The following LPP variants were observed in gnomAD, a reference collection of about 807,000 sequenced individuals.
The protein encoded by LPP is lipoma-preferred partner.
A neutral mutation model predicts 60.4 loss-of-function variants in LPP; 38 were observed. The ratio of observed to expected loss-of-function variants is 0.63; its 90% confidence interval spans 0.49 to 0.83. The LOEUF is 0.83. Ranked by LOEUF, LPP falls within the 40% of genes least tolerant of loss-of-function variation. LPP has a pLI of 0.00. For synonymous variants in LPP, 328 were observed against 290.8 expected, an observed-to-expected ratio of 1.13 and a Z score of -1.30; for missense variants, 902 against 783.6, an observed-to-expected ratio of 1.15 and a Z score of -1.80.
chr3:188,320,533 A>G (rs1312441609), intron 2 of LPP, among the ~76,000 whole-genome samples: 2 of 152,212 alleles, frequency 1.3e-5, no homozygotes, highest in Non-Finnish European at 2.9e-5. Context: ...AGCAGGAAGG[A>G]GTAAGAAACG....
At chr3:188,662,269 C>A (rs751374473) in intron 7 of LPP, among the ~76,000 whole-genome samples, 1 of 152,116 alleles carries the variant, frequency 6.6e-6, no homozygotes, top group Non-Finnish European at 1.5e-5. Context: ...CCTTATTTAT[C>A]CTGAAGTGAT....
chr3:188,622,101 A>G (rs1282254319), intron 7 of LPP, among the ~76,000 whole-genome samples: 1 of 152,168 alleles, frequency 6.6e-6, no homozygotes, highest in African/African-American at 2.4e-5. Context: ...CTAAGCAGCT[A>G]GAGATTCTGT....
rs765962900 is a variant in LPP at position 188,352,571 on chromosome 3, C to T, written c.-10+10852C>T. ...GAGCAAGAAGGGCTTGTGAATATCC[C>T]GTACTCTCATTTGATGTGTGAGGAC... On this transcript the variant is annotated intron_variant, in intron 3 of 11. Transcript: ENST00000617246. This position sits in a 1 kb window ranked among gnomAD's most constrained non-coding sequence, Gnocchi z 4.4. Among the ~76,000 whole-genome samples the T allele has an allele frequency of 5.9e-5, 9 of 152,194 alleles. No homozygotes were observed. The highest frequency in any genetic ancestry group is 2.1e-4 in the South Asian group (1 of 4,834).
At chr3:188,277,753 T>C (rs907181723) in intron 2 of LPP, among the ~76,000 whole-genome samples, 1 of 152,186 alleles carries the variant, frequency 6.6e-6, no homozygotes, top group Non-Finnish European at 1.5e-5. Context: ...CATTTAACAC[T>C]CAGTCCTAGA....
At chr3:188,579,957 T>C (rs1835687117) in intron 6 of LPP, among the ~76,000 whole-genome samples, 1 of 151,998 alleles carries the variant, frequency 6.6e-6, no homozygotes, top group Non-Finnish European at 1.5e-5. Context: ...GCCATGACTG[T>C]ATCACTGCAC....
intron 5 of LPP, among the ~76,000 whole-genome samples, 167 bp downstream of exon 5, chr3:188,484,871 T>G (rs1156929914): frequency 1.3e-5 from 2 of 152,238 alleles, no homozygotes; most frequent in African/African-American, 4.8e-5. Flanking sequence ...GGTACTTTAA[T>G]GCAACATACC....
intron 1 of LPP, among the ~76,000 whole-genome samples, chr3:188,166,554 C>A (rs1310661745): frequency 1.3e-5 from 2 of 152,162 alleles, no homozygotes. Flanking sequence ...TACCAGTAGT[C>A]CTGCGGATGG....
intron 8 of LPP, among the ~76,000 whole-genome samples, chr3:188,758,507 G>A (rs1731111541): frequency 6.6e-6 from 1 of 152,004 alleles, no homozygotes; most frequent in Non-Finnish European, 1.5e-5. Context: ...GTATACTTTG[G>A]GTTATATTTA....
At chr3:188,238,650 A>C (rs1035109820) in intron 2 of LPP, among the ~76,000 whole-genome samples, 1 of 152,058 alleles carries the variant, frequency 6.6e-6, no homozygotes, top group Non-Finnish European at 1.5e-5. Context: ...ACACCTATTT[A>C]TTGATCAAGT....
intron 2 of LPP, among the ~76,000 whole-genome samples, chr3:188,305,438 G>A (rs917832670): frequency 6.6e-6 from 1 of 152,176 alleles, no homozygotes; most frequent in Non-Finnish European, 1.5e-5. Context: ...TCTGAGATAG[G>A]TACAAATAAC....
intron 9 of LPP, among the ~76,000 whole-genome samples, chr3:188,858,474 G>A (rs1455022300): frequency 1.3e-5 from 2 of 152,152 alleles, no homozygotes; most frequent in African/African-American, 4.8e-5. Context: ...TAAACTAAAT[G>A]TTCTATAATT....
At position 188,375,916 on chromosome 3, in the gene LPP, G is replaced by A. The variant is rs112050794; in HGVS notation, c.-9-30196G>A. On this transcript the variant is annotated intron_variant, in intron 3 of 11. Coordinates refer to ENST00000617246, the MANE Select transcript of LPP (RefSeq NM_001375462.1). The stretch of plus-strand genomic sequence containing the variant: ...TCTGGTATGTTGTGTCTTTGTTCTC[G>A]TTGGTTTCAAAGAACATCTTTATTT... 1.8e-4 allele frequency among the ~76,000 whole-genome samples: 28 copies of A among 152,044 alleles called. No homozygotes were observed. The South Asian group carries it at 4.4e-3, about 24-fold the overall frequency.
chr3:188,237,116 A>G (rs1471367558), intron 2 of LPP, among the ~76,000 whole-genome samples: 2 of 152,146 alleles, frequency 1.3e-5, no homozygotes, highest in African/African-American at 4.8e-5. Flanking sequence ...CAGCATCTTC[A>G]CCAGGGGTAA....
At chr3:188,436,416 A>G (rs999397941) in intron 4 of LPP, among the ~76,000 whole-genome samples, 3 of 152,224 alleles carry the variant, frequency 2.0e-5, no homozygotes, top group Non-Finnish European at 2.9e-5. Context: ...CCCAGATTTA[A>G]CATTTCCTAG....
intron 6 of LPP, among the ~76,000 whole-genome samples, chr3:188,532,482 G>A (rs2150292191): frequency 1.3e-5 from 2 of 152,280 alleles, no homozygotes; most frequent in Middle Eastern, 6.8e-3. Flanking sequence ...GTAGCATAGA[G>A]GAAAGAGGTG....
At chr3:188,660,896 G>C (rs1282103269) in intron 7 of LPP, among the ~76,000 whole-genome samples, 3 of 152,114 alleles carry the variant, frequency 2.0e-5, no homozygotes, top group African/African-American at 7.2e-5. Context: ...TCTTGGTGTT[G>C]TACATGTTGT....
intron 5 of LPP, among the ~76,000 whole-genome samples, chr3:188,496,540 T>C (rs1258569839): frequency 6.6e-6 from 1 of 152,200 alleles, no homozygotes; most frequent in Non-Finnish European, 1.5e-5. Flanking sequence ...CAGTGAAGGC[T>C]CTGGGGCTCT....
chr3:188,573,511 GA>G (rs1212068449), intron 6 of LPP, among the ~76,000 whole-genome samples: 3 of 152,094 alleles, frequency 2.0e-5, no homozygotes, highest in Non-Finnish European at 2.9e-5. Flanking sequence ...TAGCTTAGCA[GA>G]GGGGCATTGT....
At chr3:188,820,766 CG>C (rs1280098263) in intron 9 of LPP, among the ~76,000 whole-genome samples, 7 of 152,116 alleles carry the variant, frequency 4.6e-5, no homozygotes, top group Non-Finnish European at 2.9e-5. Context: ...ATAAATATAA[CG>C]TTAACTCCGA....
Sources: gnomAD v4.1 joint callset for allele counts (sites outside exome capture counted in the v4.1 genomes callset) on GRCh38, gnomAD v4.1.1 for gene constraint, Gnocchi (gnomAD v3.1) non-coding constraint, MANE v1.5 for transcripts, NCBI Gene and HGNC (gene_info 2026-07-23, HGNC 2026-07-21) for gene names.